CREB3L2: variants seen among roughly 807,000 people sequenced by gnomAD.
CREB3L2 encodes the protein cAMP responsive element binding protein 3 like 2.
A neutral mutation model predicts 57.2 loss-of-function variants in CREB3L2; 23 were observed. The observed-to-expected ratio is 0.40, with a 90% confidence interval of 0.29 to 0.57. CREB3L2 has a LOEUF of 0.57. CREB3L2 is among the 20% of genes least tolerant of loss of function. The pLI, the probability that CREB3L2 is intolerant of heterozygous loss-of-function variation, is 0.42. For synonymous variants in CREB3L2, 268 were observed against 265.1 expected, an observed-to-expected ratio of 1.01 and a Z score of -0.11; for missense variants, 628 against 634.7, an observed-to-expected ratio of 0.99 and a Z score of 0.11.
rs949566280 is a variant in CREB3L2 at position 137,875,172 on chromosome 7, C to T, written c.*5304G>A. The T allele has an allele frequency of 2.4e-5, 5 of 204,310 alleles. No individual in the cohort carries two copies. The highest frequency in any genetic ancestry group is 4.0e-5 in the Non-Finnish European group (4 of 100,828). 12.7% of individuals were successfully genotyped at this position (204,310 alleles called of 1,614,324 possible). The stretch of plus-strand genomic sequence containing the variant: ...GATAGGACAGATAACAGACTCACAA[C>T]GTATTTAGATTTAAACACTGCTGGT... On this transcript the variant is annotated 3_prime_UTR_variant, in exon 12 of 12. Coordinates refer to ENST00000330387, the MANE Select transcript of CREB3L2 (RefSeq NM_194071.4).
intron 1 of CREB3L2, chr7:137,956,739 C>A: frequency 2.3e-6 from 2 of 864,574 alleles, no homozygotes; most frequent in Non-Finnish European, 3.3e-6. Context: ...TTGAGTTGGG[C>A]AAACATTTGC....
chr7:138,001,658 G>C lies in CREB3L2; in HGVS notation c.48C>G (p.Arg16=), dbSNP rs936119162. The C allele has an allele frequency of 2.5e-6, 4 of 1,613,210 alleles. No individual in the cohort carries two copies. Among genetic ancestry groups the C allele is most frequent in the Non-Finnish European group, 3.4e-6 (4 of 1,179,810 alleles). The change falls in exon 1 of 12, where the codon CGC becomes CGG. Residue 16 remains arginine (R), a synonymous_variant. Coordinates refer to ENST00000330387, the MANE Select transcript of CREB3L2 (RefSeq NM_194071.4). The surrounding 1 kb of genome is among the most constrained non-coding windows in gnomAD (Gnocchi z 4.2). ...SGEQGVLQWD[R]KLSELSEPGD... ...CGGGCTCTGACAGCTCGCTCAGCTT[G>C]CGGTCCCACTGCAGCACGCCCTGCT...
At chr7:137,907,903 G>T (rs1444079189) in intron 5 of CREB3L2, among the ~76,000 whole-genome samples, 1 of 152,112 alleles carries the variant, frequency 6.6e-6, no homozygotes, top group Non-Finnish European at 1.5e-5. Context: ...CTATGACATA[G>T]GTCACAAGGA....
chr7:137,915,285 G>A (rs116100238), intron 3 of CREB3L2, among the ~76,000 whole-genome samples: 2,523 of 151,972 alleles, frequency 0.017, 66 homozygotes, highest in African/African-American at 0.055. Flanking sequence ...TGCTTTCCAC[G>A]GGTAACACAA....
intron 4 of CREB3L2, among the ~76,000 whole-genome samples, chr7:137,910,776 A>G (rs1226245721): frequency 1.3e-5 from 2 of 152,092 alleles, no homozygotes; most frequent in Non-Finnish European, 2.9e-5. Context: ...AGCAAGTAAA[A>G]TCTTGTCTTT....
chr7:137,880,695 T>A lies in CREB3L2; in HGVS notation c.1488-144A>T. On this transcript the variant is annotated intron_variant, in intron 11 of 11. Coordinates refer to ENST00000330387, the MANE Select transcript of CREB3L2 (RefSeq NM_194071.4). This position sits in a 1 kb window ranked among gnomAD's most constrained non-coding sequence, Gnocchi z 4.0. ...TGTTTCTTGTCCTTTTCTCTCCTAG[T>A]AGCAATTCTCTGTTTCCAAAGTCCC... 2 of 680,564 alleles carry A rather than the reference T, an allele frequency of 2.9e-6. No individual in the cohort carries two copies. Among genetic ancestry groups the A allele is most frequent in the Non-Finnish European group, 5.3e-6 (2 of 377,408 alleles). The allele number at this position is 680,564 out of a possible 1,614,324, so 42.2% of individuals were successfully genotyped here. A position where few individuals can be genotyped will look rare whatever the true frequency, so the allele number is the denominator to read the frequency against.
At chr7:137,891,471 A>G (rs1216108128) in intron 8 of CREB3L2, among the ~76,000 whole-genome samples, 1 of 152,180 alleles carries the variant, frequency 6.6e-6, no homozygotes, top group Non-Finnish European at 1.5e-5. Flanking sequence ...TCAGGAACCT[A>G]ATTTCCCACT....
chr7:137,929,341 A>G (rs1800555751), intron 1 of CREB3L2, among the ~76,000 whole-genome samples: 1 of 152,116 alleles, frequency 6.6e-6, no homozygotes, highest in Non-Finnish European at 1.5e-5. Flanking sequence ...CCTGGCACTA[A>G]TAACATTTTG....
chr7:137,998,806 T>A (rs1396672788), intron 1 of CREB3L2, among the ~76,000 whole-genome samples: 1 of 152,138 alleles, frequency 6.6e-6, no homozygotes, highest in African/African-American at 2.4e-5. Context: ...TCAAAAAGAA[T>A]TAAGATTTTC....
chr7:137,889,374 T>C (rs1268446669), intron 8 of CREB3L2, among the ~76,000 whole-genome samples: 1 of 152,310 alleles, frequency 6.6e-6, no homozygotes, highest in East Asian at 1.9e-4. Context: ...GGCTGGTGTT[T>C]CCTGACTGCA....
chr7:137,945,318 C>T (rs1358846958), intron 1 of CREB3L2, among the ~76,000 whole-genome samples: 3 of 152,074 alleles, frequency 2.0e-5, no homozygotes, highest in Non-Finnish European at 4.4e-5. Flanking sequence ...TTTTTTAATT[C>T]TTCTTATCTA....
Position 138,001,667 on chromosome 7 carries a change from C to T in CREB3L2, c.39G>A (p.Gln13=), listed in dbSNP as rs1243366965. 6.2e-7 allele frequency: 1 copy of T among 1,613,090 alleles called. No individual in the cohort carries two copies. The highest frequency in any genetic ancestry group is 1.1e-5 in the South Asian group (1 of 91,006). ...VLESGEQGVL[Q]WDRKLSELSE... ...ACAGCTCGCTCAGCTTGCGGTCCCACTGCAGCACGCCCTGCTCCCCGCTCT... is the reference window on the plus strand; with the variant it reads ...ACAGCTCGCTCAGCTTGCGGTCCCATTGCAGCACGCCCTGCTCCCCGCTCT... Residue 13 remains glutamine, a synonymous_variant, in exon 1 of 12, where the codon CAG becomes CAA. Transcript: ENST00000330387. This position sits in a 1 kb window ranked among gnomAD's most constrained non-coding sequence, Gnocchi z 4.2.
intron 1 of CREB3L2, among the ~76,000 whole-genome samples, chr7:137,959,892 T>C (rs978005605): frequency 2.6e-5 from 4 of 152,252 alleles, no homozygotes; most frequent in Admixed American, 1.3e-4. Context: ...AATACTTATT[T>C]ACCTCAGTAA....
chr7:137,989,279 C>A (rs1163999054), intron 1 of CREB3L2, among the ~76,000 whole-genome samples: 1 of 152,092 alleles, frequency 6.6e-6, no homozygotes, highest in East Asian at 1.9e-4. Context: ...GCTACAGAGA[C>A]ACAGACACCG....
chr7:137,979,454 C>T (rs962048940), intron 1 of CREB3L2, among the ~76,000 whole-genome samples: 7 of 152,120 alleles, frequency 4.6e-5, no homozygotes, highest in Admixed American at 1.3e-4. Context: ...CGGCCGGGCG[C>T]GGTGGCTCAC....
chr7:137,922,917 A>G (rs1800368817), intron 2 of CREB3L2: 4 of 206,354 alleles, frequency 1.9e-5, no homozygotes, highest in Non-Finnish European at 4.0e-5. Flanking sequence ...GGAAAAATAT[A>G]ATGGCTAGGC....
At chr7:137,928,456 T>C (rs1373792754) in intron 1 of CREB3L2, 90 bp from the exon 2 acceptor site, 2 of 1,002,234 alleles carry the variant, frequency 2.0e-6, no homozygotes, top group Non-Finnish European at 3.1e-6. Context: ...CATCCACTGC[T>C]CGATATGAAG....
At chr7:137,989,598 C>T (rs1801852206) in intron 1 of CREB3L2, among the ~76,000 whole-genome samples, 1 of 152,100 alleles carries the variant, frequency 6.6e-6, no homozygotes, top group Non-Finnish European at 1.5e-5. Flanking sequence ...ATTGGCTTCA[C>T]TAATCCCTCA....
rs79144718 is a variant in CREB3L2 at position 137,995,774 on chromosome 7, C to T, written c.102+5830G>A. On this transcript the variant is annotated intron_variant, in intron 1 of 11. Coordinates refer to ENST00000330387, the MANE Select transcript of CREB3L2 (RefSeq NM_194071.4). ...ATCTAGATGCTATATCTTATAACTC[C>T]TGCAAAAGCAATGTCACATCAGAGA... Among the ~76,000 whole-genome samples, 344 of 152,300 alleles carry T rather than the reference C, an allele frequency of 2.3e-3. 3 individuals carry two copies. The highest frequency in any genetic ancestry group is 8.0e-3 in the African/African-American group (331 of 41,558).
Sources: allele counts gnomAD v4.1 joint callset (sites outside exome capture counted in the v4.1 genomes callset), GRCh38; gene constraint gnomAD v4.1.1; non-coding constraint Gnocchi (gnomAD v3.1); transcripts MANE v1.5; gene names NCBI Gene and HGNC (gene_info 2026-07-23, HGNC 2026-07-21).